Variants in SLC16A7 observed in about 807,000 individuals in gnomAD.
SLC16A7 encodes monocarboxylate transporter 2.
Under a neutral mutation model 34.9 loss-of-function variants are expected in SLC16A7, and 33 were observed. That is an observed-to-expected ratio of 0.94 (90% CI 0.72 to 1.26). The LOEUF (loss-of-function observed/expected upper bound fraction) is 1.26, where lower values mean the gene tolerates loss of function less well. Among genes scored for constraint, SLC16A7 ranks in the 50% most tolerant of loss-of-function variants. The pLI, the probability that SLC16A7 is intolerant of heterozygous loss-of-function variation, is 0.00. For synonymous variants in SLC16A7, 201 were observed against 206.6 expected, an observed-to-expected ratio of 0.97 and a Z score of 0.23; for missense variants, 573 against 578.1, an observed-to-expected ratio of 0.99 and a Z score of 0.09.
intron 2 of SLC16A7, among the ~76,000 whole-genome samples, chr12:59,658,053 A>G (rs1409629208): frequency 4.6e-5 from 7 of 152,022 alleles, no homozygotes; most frequent in African/African-American, 1.7e-4. Context: ...CATTCCTTAC[A>G]CAGACACCTG....
chr12:59,656,677 T>C (rs1309939140), intron 2 of SLC16A7, among the ~76,000 whole-genome samples: 1 of 151,996 alleles, frequency 6.6e-6, no homozygotes, highest in African/African-American at 2.4e-5. Flanking sequence ...AGCTCAACAC[T>C]GTGAAATTAC....
At position 59,708,758 on chromosome 12, in the gene SLC16A7, T is replaced by A. The variant is rs1030793256; in HGVS notation, c.217+3740T>A. Among the ~76,000 whole-genome samples the A allele has an allele frequency of 2.0e-5, 3 of 151,602 alleles. 1 individual carries two copies. Among genetic ancestry groups the A allele is most frequent in the African/African-American group, 7.3e-5 (3 of 40,926 alleles). ...ACTGGAGTCTCTTGTAGTAATTAGT[T>A]GGTATCTGGGCTTTGGTAGCAAGGT... On this transcript the variant is annotated intron_variant, in intron 3 of 5. Coordinates refer to ENST00000547379, the MANE Select transcript of SLC16A7 (RefSeq NM_001270623.2).
intron 3 of SLC16A7, among the ~76,000 whole-genome samples, chr12:59,740,512 G>C (rs1463350732): frequency 2.0e-5 from 3 of 152,068 alleles, no homozygotes; most frequent in Non-Finnish European, 2.9e-5. Context: ...ATTCAACAAT[G>C]CTTCATGCTA....
chr12:59,761,610 C>T (rs1881022604), intron 3 of SLC16A7, among the ~76,000 whole-genome samples: 1 of 152,032 alleles, frequency 6.6e-6, no homozygotes, highest in South Asian at 2.1e-4. Context: ...GCATAGATTG[C>T]TCTCTAAAAA....
chr12:59,766,239 T>C (rs1038078009), intron 3 of SLC16A7, among the ~76,000 whole-genome samples: 18 of 152,118 alleles, frequency 1.2e-4, no homozygotes, highest in Non-Finnish European at 2.4e-4. Flanking sequence ...GGCTGAGACA[T>C]TGGGGTTTTC....
Position 59,771,322 on chromosome 12 carries a change from C to T in SLC16A7, c.321C>T (p.Ser107=), listed in dbSNP as rs1366636312. The change falls in exon 4 of 6, where the codon AGC becomes AGT. Residue 107 remains serine, a synonymous_variant. Transcript: ENST00000547379. ...CLGMVLASFS[S]SVVQLYLTMG... ...GAATGGTGTTGGCCTCCTTTAGTAG[C>T]AGCGTGGTACAGCTGTACCTCACTA... 1 of 1,612,294 alleles carries T rather than the reference C, an allele frequency of 6.2e-7. No individual in the cohort carries two copies. The highest frequency in any genetic ancestry group is 8.5e-7 in the Non-Finnish European group (1 of 1,178,978).
At chr12:59,625,138 C>G (rs1022487127) in intron 1 of SLC16A7, among the ~76,000 whole-genome samples, 5 of 151,770 alleles carry the variant, frequency 3.3e-5, no homozygotes, top group African/African-American at 9.7e-5. Flanking sequence ...GAGACTTGCA[C>G]AAATTAACTC....
At chr12:59,750,086 A>G (rs556767331) in intron 3 of SLC16A7, among the ~76,000 whole-genome samples, 2 of 152,336 alleles carry the variant, frequency 1.3e-5, no homozygotes, top group South Asian at 4.1e-4. Flanking sequence ...AAAGACTTAA[A>G]TATAAGACTT....
chr12:59,750,297 A>C (rs1209207802), intron 3 of SLC16A7, among the ~76,000 whole-genome samples: 1 of 152,228 alleles, frequency 6.6e-6, no homozygotes, highest in African/African-American at 2.4e-5. Flanking sequence ...AATGGGAGAA[A>C]GATTTTGCAA....
chr12:59,671,817 ATGTG>A (rs1254432390), intron 2 of SLC16A7, among the ~76,000 whole-genome samples: 1 of 140,270 alleles, frequency 7.1e-6, no homozygotes, highest in South Asian at 2.2e-4. Context: ...GTGTATATAT[ATGTG>A]TATATGTATA....
chr12:59,703,136 A>G (rs903149738), intron 2 of SLC16A7, among the ~76,000 whole-genome samples: 1 of 152,120 alleles, frequency 6.6e-6, no homozygotes, highest in African/African-American at 2.4e-5. Flanking sequence ...AGTATCATGC[A>G]TTAATTCAAT....
At chr12:59,611,399 G>T (rs1474463308) in intron 1 of SLC16A7, among the ~76,000 whole-genome samples, 3 of 152,182 alleles carry the variant, frequency 2.0e-5, no homozygotes, top group Non-Finnish European at 2.9e-5. Context: ...CAGCATGAGG[G>T]TAACTGCTTC....
chr12:59,734,210 A>G (rs373112647), intron 3 of SLC16A7: 15 of 203,986 alleles, frequency 7.4e-5, no homozygotes, highest in African/African-American at 2.3e-4. Context: ...GCAGACTCAC[A>G]CTGAGCTGCC....
chr12:59,714,066 G>A lies in SLC16A7; in HGVS notation c.217+9048G>A, dbSNP rs116757445. Among the ~76,000 whole-genome samples the A allele has an allele frequency of 5.4e-3, 821 of 152,304 alleles. 11 individuals carry two copies. Among genetic ancestry groups the A allele is most frequent in the African/African-American group, 0.019 (795 of 41,554 alleles). On this transcript the variant is annotated intron_variant, in intron 3 of 5. Transcript: ENST00000547379. ...TTGAGTGATCAGGCAATATTTCTTGGAGCTGAATTTGAAGGATAAGGAGGC... is the reference window on the plus strand; with the variant it reads ...TTGAGTGATCAGGCAATATTTCTTGAAGCTGAATTTGAAGGATAAGGAGGC...
At chr12:59,629,941 A>T (rs1388432929) in intron 1 of SLC16A7, among the ~76,000 whole-genome samples, 3 of 151,814 alleles carry the variant, frequency 2.0e-5, no homozygotes, top group Non-Finnish European at 1.5e-5. Flanking sequence ...TTTTGTATTC[A>T]TTGCATGTAA....
chr12:59,629,981 T>C (rs1177428657), intron 1 of SLC16A7, among the ~76,000 whole-genome samples: 1 of 151,922 alleles, frequency 6.6e-6, no homozygotes, highest in Non-Finnish European at 1.5e-5. Context: ...CATTTTTAAA[T>C]CTTTGTATTC....
At chr12:59,770,821 T>C (rs1478613531) in intron 3 of SLC16A7, among the ~76,000 whole-genome samples, 1 of 152,176 alleles carries the variant, frequency 6.6e-6, no homozygotes, top group Non-Finnish European at 1.5e-5. Flanking sequence ...CACATTATTC[T>C]AGAAAATAAA....
intron 3 of SLC16A7, chr12:59,735,991 A>G (rs1218457293): frequency 3.1e-6 from 3 of 962,794 alleles, no homozygotes; most frequent in African/African-American, 1.7e-5. Flanking sequence ...TACTTGAGGT[A>G]ACAAGATTTT....
At chr12:59,725,510 CA>C (rs1352562037) in intron 3 of SLC16A7, among the ~76,000 whole-genome samples, 1 of 151,988 alleles carries the variant, frequency 6.6e-6, no homozygotes, top group Non-Finnish European at 1.5e-5. Context: ...CAGTTTCTTT[CA>C]TTAGAAATAA....
Sources: allele counts gnomAD v4.1 joint callset (sites outside exome capture counted in the v4.1 genomes callset), GRCh38; gene constraint gnomAD v4.1.1; transcripts MANE v1.5; gene names NCBI Gene and HGNC (gene_info 2026-07-23, HGNC 2026-07-21).